DMD: variants seen among roughly 807,000 people sequenced by gnomAD.
DMD encodes the protein mutant dystrophin.
Under a neutral mutation model 330.1 loss-of-function variants are expected in DMD, and 63 were observed. That is an observed-to-expected ratio of 0.19 (90% CI 0.16 to 0.24). DMD has a LOEUF of 0.24. DMD is among the 10% of genes least tolerant of loss of function. DMD has a pLI of 1.00. For synonymous variants in DMD, 1,223 were observed against 959.8 expected (o/e 1.27, Z -5.07); for missense variants, 3,344 against 2,684.1 (o/e 1.25, Z -5.43).
intron 7 of DMD, among the ~76,000 whole-genome samples, chrX:32,718,265 T>G (rs998408557): frequency 9.0e-6 from 1 of 111,119 alleles, no homozygotes; most frequent in Non-Finnish European, 1.9e-5. Context: ...GACTGAATCA[T>G]AGGGGCAGAT....
intron 52 of DMD, among the ~76,000 whole-genome samples, chrX:31,687,252 T>C (rs975410727): frequency 9.0e-6 from 1 of 111,091 alleles, no homozygotes; most frequent in Non-Finnish European, 1.9e-5. Context: ...GTGGTGGTTA[T>C]GGTGAAAGAC....
intron 13 of DMD, among the ~76,000 whole-genome samples, chrX:32,575,233 C>T (rs1442283479): frequency 9.0e-6 from 1 of 111,122 alleles, no homozygotes; most frequent in South Asian, 3.8e-4. Flanking sequence ...AGGAGAGTCA[C>T]GTTTCTTAAA....
chrX:32,198,586 A>T (rs1388402467), intron 44 of DMD, among the ~76,000 whole-genome samples: 1 of 111,925 alleles, frequency 8.9e-6, no homozygotes, highest in Non-Finnish European at 1.9e-5. Context: ...CTTATTCCAG[A>T]ATACTTTTTT....
intron 2 of DMD, among the ~76,000 whole-genome samples, chrX:32,935,545 A>G (rs2089954291): frequency 8.9e-6 from 1 of 111,986 alleles, no homozygotes; most frequent in African/African-American, 3.2e-5. Context: ...CCATAATACA[A>G]TTATTTGCTA....
At chrX:31,995,531 G>C (rs2095579222) in intron 44 of DMD, among the ~76,000 whole-genome samples, 1 of 111,726 alleles carries the variant, frequency 9.0e-6, no homozygotes, top group African/African-American at 3.3e-5. Flanking sequence ...TTTTATGTTA[G>C]AGGCTTTCAC....
chrX:32,867,685 A>C, intron 2 of DMD, among the ~76,000 whole-genome samples: 1 of 112,163 alleles, frequency 8.9e-6, no homozygotes, highest in East Asian at 2.8e-4. Flanking sequence ...ATATTGAACC[A>C]AAAGGAAATT....
chrX:31,596,226 A>C (rs2077107124), intron 55 of DMD, among the ~76,000 whole-genome samples: 1 of 112,119 alleles, frequency 8.9e-6, no homozygotes, highest in Admixed American at 9.5e-5. Flanking sequence ...TCACCTAAGA[A>C]ACAACAAAAC....
chrX:32,509,956 T>G (rs907469179), intron 18 of DMD, among the ~76,000 whole-genome samples: 2 of 111,451 alleles, frequency 1.8e-5, no homozygotes, highest in African/African-American at 6.5e-5. Context: ...AGCCAGAAAG[T>G]GAGTTATCAT....
At chrX:32,576,439 G>A (rs1429420483) in intron 13 of DMD, among the ~76,000 whole-genome samples, 1 of 109,929 alleles carries the variant, frequency 9.1e-6, no homozygotes, top group East Asian at 2.9e-4. Flanking sequence ...AGTAAAACTA[G>A]GGTGACTTGA....
chrX:31,365,468 G>T (rs1456871267), intron 60 of DMD, among the ~76,000 whole-genome samples: 2 of 111,941 alleles, frequency 1.8e-5, no homozygotes, highest in African/African-American at 6.5e-5. Flanking sequence ...AGCTGCTGGG[G>T]ATCATTAATG....
chrX:31,653,366 TATGTACACACATAC>T (rs1303853905), intron 54 of DMD, among the ~76,000 whole-genome samples: 1 of 111,701 alleles, frequency 9.0e-6, no homozygotes, highest in Non-Finnish European at 1.9e-5. Context: ...TATATGTATA[TATGTACACACATAC>T]ATGTACACAC....
chrX:32,234,547 A>G (rs745854043), intron 43 of DMD, among the ~76,000 whole-genome samples: 12 of 111,860 alleles, frequency 1.1e-4, no homozygotes, highest in African/African-American at 3.2e-4. Context: ...ATATTTTAAC[A>G]TAACAAATTT....
intron 60 of DMD, among the ~76,000 whole-genome samples, chrX:31,390,485 G>C (rs1477673700): frequency 9.1e-6 from 1 of 110,418 alleles, no homozygotes; most frequent in Non-Finnish European, 1.9e-5. Flanking sequence ...GTCTAAAACT[G>C]AACTGTTGAT....
At chrX:32,674,760 C>T (rs182069670) in intron 9 of DMD, among the ~76,000 whole-genome samples, 72 of 110,972 alleles carry the variant, frequency 6.5e-4, no homozygotes, top group African/African-American at 2.3e-3. Flanking sequence ...TGAGGGAAGC[C>T]GGTCTGTATG....
chrX:31,976,134 T>C lies in DMD; in HGVS notation c.6439-7620A>G, dbSNP rs925974822. 1.8e-4 allele frequency among the ~76,000 whole-genome samples: 20 copies of C among 109,892 alleles called. No homozygotes were observed. In the Admixed American group the frequency reaches 2.0e-3, roughly 11 times the overall value. On this transcript the variant is annotated intron_variant, in intron 44 of 78. Transcript: ENST00000357033. ...GCAGGAGATATCATGGTAGTTAAAG[T>C]GAGGAAAGATGGTCGCTTGGATTGA... is the stretch of plus-strand genomic sequence containing the variant.
rs900307700 is a variant in DMD at position 32,367,019 on chromosome X, T to C, written c.4846-1820A>G. ...TAAAAGCAATTTCTTCATTTATCAA[T>C]CGTAAGTGTTGCCTGAGCTCCTATT... On this transcript the variant is annotated intron_variant, in intron 34 of 78. Transcript: ENST00000357033. 4.5e-5 allele frequency among the ~76,000 whole-genome samples: 5 copies of C among 112,065 alleles called. No individual in the cohort carries two copies. In the South Asian group the frequency reaches 1.1e-3, roughly 25 times the overall value.
At chrX:33,064,372 T>C (rs2094620746) in intron 1 of DMD, among the ~76,000 whole-genome samples, 1 of 111,323 alleles carries the variant, frequency 9.0e-6, no homozygotes, top group South Asian at 3.7e-4. Context: ...CATAATGAAA[T>C]CCTTTAATTG....
At chrX:32,437,442 A>G (rs1020616263) in intron 29 of DMD, among the ~76,000 whole-genome samples, 4 of 108,887 alleles carry the variant, frequency 3.7e-5, no homozygotes, top group Admixed American at 1.9e-4. Flanking sequence ...CAATGGTTTC[A>G]TGCATACTAC....
chrX:32,856,772 TTACTG>T (rs1402678519), intron 2 of DMD, among the ~76,000 whole-genome samples: 3 of 111,500 alleles, frequency 2.7e-5, no homozygotes, highest in Non-Finnish European at 5.6e-5. Flanking sequence ...AGTCAACAAT[TTACTG>T]TACATTTAAG....
Sources: gnomAD v4.1 joint callset for allele counts (sites outside exome capture counted in the v4.1 genomes callset) on GRCh38, gnomAD v4.1.1 for gene constraint, MANE v1.5 for transcripts, NCBI Gene and HGNC (gene_info 2026-07-23, HGNC 2026-07-21) for gene names.